The following RHBDL3 variants were observed in gnomAD, a reference collection of about 807,000 sequenced individuals.
RHBDL3 encodes rhomboid like 3.
Under a neutral mutation model 48.2 loss-of-function variants are expected in RHBDL3, and 28 were observed. The ratio of observed to expected loss-of-function variants is 0.58; its 90% confidence interval spans 0.43 to 0.80. The LOEUF is 0.80. RHBDL3 is among the 30% of genes least tolerant of loss of function. The probability of loss-of-function intolerance (pLI) is 0.00; values close to 1 mark genes in which losing one functional copy is unlikely to be tolerated. For synonymous variants in RHBDL3, 208 were observed against 232.3 expected, an observed-to-expected ratio of 0.90 and a Z score of 0.95; for missense variants, 464 against 542.7, an observed-to-expected ratio of 0.85 and a Z score of 1.44.
intron 7 of RHBDL3, among the ~76,000 whole-genome samples, chr17:32,305,813 G>A (rs1053633074): frequency 1.6e-4 from 24 of 151,960 alleles, no homozygotes; most frequent in African/African-American, 5.3e-4. Flanking sequence ...AGCTACTCGG[G>A]AGGCTGAGGC....
intron 2 of RHBDL3, among the ~76,000 whole-genome samples, chr17:32,276,795 C>CACGTGCCTGTG (rs1567763618): frequency 1.7e-4 from 17 of 101,828 alleles, no homozygotes; most frequent in African/African-American, 1.2e-3. Context: ...GGCCCTAGCA[C>CACGTGCCTGTG]CTTACTCCGG....
At chr17:32,269,138 A>C (rs2039707804) in intron 2 of RHBDL3, among the ~76,000 whole-genome samples, 2 of 152,204 alleles carry the variant, frequency 1.3e-5, no homozygotes, top group African/African-American at 4.8e-5. Context: ...ACTTGAACCC[A>C]GTAGTTCAAG....
chr17:32,273,608 G>A (rs955545884), intron 2 of RHBDL3, among the ~76,000 whole-genome samples: 3 of 152,228 alleles, frequency 2.0e-5, no homozygotes, highest in African/African-American at 7.2e-5. Flanking sequence ...CTACGTTGTT[G>A]TGAAGACGGG....
At chr17:32,274,670 A>C (rs142859361) in intron 2 of RHBDL3, among the ~76,000 whole-genome samples, 4 of 152,232 alleles carry the variant, frequency 2.6e-5, no homozygotes, top group African/African-American at 7.2e-5. Context: ...GGAGTTCAAG[A>C]CCAGCCTGGT....
intron 2 of RHBDL3, among the ~76,000 whole-genome samples, chr17:32,276,270 G>C (rs527368603): frequency 3.9e-4 from 59 of 152,216 alleles, no homozygotes; most frequent in African/African-American, 1.4e-3. Context: ...AATTGTGAAA[G>C]TCAGTATTTT....
chr17:32,267,658 G>GGGCCCC, intron 1 of RHBDL3: 1 of 375,458 alleles, frequency 2.7e-6, no homozygotes, highest in Non-Finnish European at 4.2e-6. Context: ...CCACCTTGCC[G>GGGCCCC]CCCCCGCCCC....
intron 1 of RHBDL3, among the ~76,000 whole-genome samples, chr17:32,266,728 G>T (rs1046080732): frequency 1.3e-5 from 2 of 152,188 alleles, no homozygotes; most frequent in African/African-American, 4.8e-5. Context: ...ATGCAAGCCG[G>T]CCTGGCGACC....
At chr17:32,311,755 TC>T (rs954608066) in intron 7 of RHBDL3, among the ~76,000 whole-genome samples, 2 of 152,152 alleles carry the variant, frequency 1.3e-5, no homozygotes, top group Non-Finnish European at 2.9e-5. Context: ...CAGGGCAAAC[TC>T]CCCGTCTTTG....
At chr17:32,266,321 C>T (rs1346922090) in intron 1 of RHBDL3, 21 bp downstream of exon 1, 5 of 1,338,530 alleles carry the variant, frequency 3.7e-6, no homozygotes, top group African/African-American at 1.5e-5. Context: ...CCTCCCCGCC[C>T]GGCAAACTTT....
chr17:32,268,633 T>G (rs1359007126), intron 2 of RHBDL3, among the ~76,000 whole-genome samples: 1 of 152,180 alleles, frequency 6.6e-6, no homozygotes, highest in East Asian at 1.9e-4. Flanking sequence ...TGGAGGATAG[T>G]TGAGTGCTAT....
At chr17:32,275,893 A>AG (rs976114670) in intron 2 of RHBDL3, among the ~76,000 whole-genome samples, 1 of 152,114 alleles carries the variant, frequency 6.6e-6, no homozygotes, top group African/African-American at 2.4e-5. Flanking sequence ...GCCAGATCCC[A>AG]GGGGAGTAGG....
chr17:32,276,012 G>A (rs1476012157), intron 2 of RHBDL3, among the ~76,000 whole-genome samples: 1 of 152,178 alleles, frequency 6.6e-6, no homozygotes, highest in Non-Finnish European at 1.5e-5. Flanking sequence ...CAGACTGCCT[G>A]GGTCCACCCC....
intron 2 of RHBDL3, among the ~76,000 whole-genome samples, chr17:32,274,868 G>A (rs1191494877): frequency 1.3e-5 from 2 of 152,098 alleles, no homozygotes; most frequent in Non-Finnish European, 2.9e-5. Flanking sequence ...GTGTGCAAGA[G>A]TGTGCATGTG....
At chr17:32,283,686 A>G (rs988083730) in intron 2 of RHBDL3, among the ~76,000 whole-genome samples, 1 of 152,204 alleles carries the variant, frequency 6.6e-6, no homozygotes, top group Non-Finnish European at 1.5e-5. Flanking sequence ...CTGTCTGTTC[A>G]TCTGAACACC....
At chr17:32,293,728 A>C (rs2040386462) in intron 4 of RHBDL3, among the ~76,000 whole-genome samples, 1 of 152,168 alleles carries the variant, frequency 6.6e-6, no homozygotes, top group African/African-American at 2.4e-5. Flanking sequence ...AAATCCTCCA[A>C]ATCCTTTCTG....
intron 4 of RHBDL3, among the ~76,000 whole-genome samples, chr17:32,293,466 C>A (rs1287345102): frequency 2.6e-5 from 4 of 151,676 alleles, no homozygotes; most frequent in African/African-American, 9.7e-5. Flanking sequence ...CCTGTAATCC[C>A]AGATACTTGG....
intron 2 of RHBDL3, among the ~76,000 whole-genome samples, chr17:32,283,931 G>T (rs1022224768): frequency 1.3e-5 from 2 of 152,232 alleles, no homozygotes; most frequent in African/African-American, 4.8e-5. Context: ...TATCTGAGTA[G>T]TCAGGAAGGG....
At chr17:32,292,887 C>T (rs998626553) in intron 4 of RHBDL3, among the ~76,000 whole-genome samples, 2 of 150,110 alleles carry the variant, frequency 1.3e-5, no homozygotes, top group African/African-American at 4.9e-5. Flanking sequence ...GCAGGAAGAT[C>T]GCTTGAGCCC....
At chr17:32,306,268 A>G (rs953731126) in intron 7 of RHBDL3, among the ~76,000 whole-genome samples, 3 of 151,678 alleles carry the variant, frequency 2.0e-5, no homozygotes, top group African/African-American at 7.3e-5. Flanking sequence ...CTAAAAAAAT[A>G]CCAAAATTAG....
Sources: gnomAD v4.1 joint callset for allele counts (sites outside exome capture counted in the v4.1 genomes callset) on GRCh38, gnomAD v4.1.1 for gene constraint, MANE v1.5 for transcripts, NCBI Gene and HGNC (gene_info 2026-07-23, HGNC 2026-07-21) for gene names.